Variants in MITD1 observed in about 807,000 individuals in gnomAD.
MITD1 encodes the protein microtubule interacting and trafficking domain containing 1, also known as MIT domain-containing protein 1.
Under a neutral mutation model 34.9 loss-of-function variants are expected in MITD1, and 24 were observed. That is an observed-to-expected ratio of 0.69 (90% CI 0.50 to 0.97). The LOEUF is 0.97. Among genes scored for constraint, MITD1 ranks in the 50% least tolerant of loss-of-function variants. The pLI, the probability that MITD1 is intolerant of heterozygous loss-of-function variation, is 0.00. For synonymous variants in MITD1, 102 were observed against 101.4 expected, an observed-to-expected ratio of 1.01 and a Z score of -0.04; for missense variants, 266 against 294.6, an observed-to-expected ratio of 0.90 and a Z score of 0.71.
At position 99,162,729 on chromosome 2, in the gene MITD1, G is replaced by A. The variant is rs2093806272; in HGVS notation, c.*4-511C>T. ...CCCAACGGATGAGACACTGTTTCCTGGAATAAATAGCAAAGCCAAAGAACT... is the reference window on the plus strand; with the variant it reads ...CCCAACGGATGAGACACTGTTTCCTAGAATAAATAGCAAAGCCAAAGAACT... On this transcript the variant is annotated intron_variant, in intron 7 of 7. Transcript: ENST00000422537. 3 of 1,613,938 alleles carry A rather than the reference G, an allele frequency of 1.9e-6. No homozygotes were observed. The highest frequency in any genetic ancestry group is 1.3e-5 in the African/African-American group (1 of 74,862).
intron 1 of MITD1, among the ~76,000 whole-genome samples, chr2:99,177,105 CT>C (rs1435370088): frequency 1.3e-5 from 2 of 152,196 alleles, no homozygotes; most frequent in Admixed American, 6.5e-5. Context: ...CTCATTCTAG[CT>C]TTCCCCCATC....
rs1417074425 is a variant in MITD1, at chr2:99,162,184, G to A, written c.*38C>T. 4 of 1,614,012 alleles carry A rather than the reference G, an allele frequency of 2.5e-6. No homozygotes were observed. The South Asian group carries it at 4.4e-5, about 18-fold the overall frequency. ...AATTCTCCCTCTGTTGTAATTGGTA[G>A]GCATCAAAATCCTTGGCAGGAATGT... On this transcript the variant is annotated 3_prime_UTR_variant, in exon 8 of 8. Coordinates refer to the MITD1 transcript ENST00000422537.
At chr2:99,170,150 A>G (rs944605802) in intron 5 of MITD1, among the ~76,000 whole-genome samples, 1 of 152,252 alleles carries the variant, frequency 6.6e-6, no homozygotes, top group Non-Finnish European at 1.5e-5. Flanking sequence ...TGTCATGCCT[A>G]CTAGAATATT....
intron 2 of MITD1, 51 bp downstream of exon 2, chr2:99,173,864 A>G (rs370784672): frequency 1.7e-5 from 19 of 1,131,978 alleles, no homozygotes; most frequent in Non-Finnish European, 2.4e-5. Flanking sequence ...CATTGGGTGA[A>G]TGGACAGTCA....
intron 7 of MITD1, chr2:99,162,311 TA>T (rs1452836817): frequency 1.2e-6 from 2 of 1,613,018 alleles, no homozygotes; most frequent in Non-Finnish European, 1.7e-6. Context: ...TGACTTTCTT[TA>T]CAACCAAAAA....
downstream of MITD1, chr2:99,161,849 C>A: frequency 1.0e-6 from 1 of 991,164 alleles, no homozygotes; most frequent in Non-Finnish European, 1.5e-6. Context: ...AGCAACTGCA[C>A]TGGATACTTT....
At chr2:99,170,767 T>G (rs2093851679) in intron 4 of MITD1, 115 bp from the exon 5 acceptor site, 1 of 512,632 alleles carries the variant, frequency 2.0e-6, no homozygotes, top group Non-Finnish European at 3.6e-6. Context: ...TCTATACTAG[T>G]TTCAATGTCT....
At chr2:99,166,111 A>C (rs143400159), downstream of MITD1, among the ~76,000 whole-genome samples, 1,148 of 151,754 alleles carry the variant, frequency 7.6e-3, 7 homozygotes, top group Non-Finnish European at 0.012. Flanking sequence ...TTTTTTGCTT[A>C]TATCAGGTAG....
intron 1 of MITD1, among the ~76,000 whole-genome samples, chr2:99,176,640 C>G (rs1413718855): frequency 6.6e-6 from 1 of 151,884 alleles, no homozygotes; most frequent in Non-Finnish European, 1.5e-5. Context: ...CGTAAACTTT[C>G]TTAAAACATT....
chr2:99,162,713 T>TGA, intron 7 of MITD1: 1 of 1,614,146 alleles, frequency 6.2e-7, no homozygotes, highest in Non-Finnish European at 8.5e-7. Flanking sequence ...ACCCAACGGA[T>TGA]GAGACACTGT....
At chr2:99,166,899 A>G (rs1388387167), downstream of MITD1, among the ~76,000 whole-genome samples, 1 of 133,890 alleles carries the variant, frequency 7.5e-6, no homozygotes, top group African/African-American at 2.8e-5. Flanking sequence ...ATATATATAA[A>G]TTTTTCATTA....
intron 1 of MITD1, among the ~76,000 whole-genome samples, chr2:99,176,716 T>C (rs551791112): frequency 5.3e-5 from 8 of 152,306 alleles, no homozygotes; most frequent in African/African-American, 1.4e-4. Context: ...TCATCAGCTG[T>C]CGTTAGTGTT....
At chr2:99,175,171 A>G (rs534837564) in intron 1 of MITD1, among the ~76,000 whole-genome samples, 2 of 151,034 alleles carry the variant, frequency 1.3e-5, no homozygotes, top group Admixed American at 6.6e-5. Context: ...TACAAGTATC[A>G]GAGCTAGGAA....
At chr2:99,168,084 A>G (rs1437788105), downstream of MITD1, among the ~76,000 whole-genome samples, 1 of 152,128 alleles carries the variant, frequency 6.6e-6, no homozygotes, top group East Asian at 1.9e-4. Context: ...TCCAATACTG[A>G]ACACTGGTAC....
chr2:99,161,692 T>C (rs925941393), downstream of MITD1: 2 of 321,088 alleles, frequency 6.2e-6, no homozygotes, highest in Non-Finnish European at 1.1e-5. Flanking sequence ...AAAAAAGATA[T>C]ATTACATAAT....
At position 99,170,536 on chromosome 2, in the gene MITD1, C is replaced by T. The variant is rs748229588; in HGVS notation, c.593+1G>A. On this transcript the variant is annotated splice_donor_variant, in intron 5 of 6. Transcript: ENST00000289359. LOFTEE classifies it high-confidence loss of function. ...AAATTAAAACATTATTGTAGACTAA[C>T]CTAATTTCTCGGTCATGTATTGAAG... 1 of 1,410,398 alleles carries T rather than the reference C, an allele frequency of 7.1e-7. No homozygotes were observed. The highest frequency in any genetic ancestry group is 1.7e-5 in the Admixed American group (1 of 57,354). The allele number at this position is 1,410,398 out of a possible 1,614,324, so 87.4% of individuals were successfully genotyped here. A position where few individuals can be genotyped will look rare whatever the true frequency, so the allele number is the denominator to read the frequency against.
chr2:99,163,312 ATTTAT>A (rs1473279395), intron 7 of MITD1, among the ~76,000 whole-genome samples: 1 of 150,114 alleles, frequency 6.7e-6, no homozygotes, highest in Admixed American at 6.6e-5. Flanking sequence ...TTCTTCCTTC[ATTTAT>A]TTTATTTTAT....
Position 99,170,671 on chromosome 2 carries a change from C to A in MITD1, c.478-19G>T, listed in dbSNP as rs143506893. ...CAATGCCCTGTTAATAGCAAAAATA[C>A]GATTATCTGCCGCAGTTATTATTAC... On this transcript the variant is annotated intron_variant, in intron 4 of 6. Coordinates refer to ENST00000289359, the MANE Select transcript of MITD1 (RefSeq NM_138798.3). The A allele has an allele frequency of 1.8e-6, 2 of 1,140,542 alleles. No homozygotes were observed. Among genetic ancestry groups the A allele is most frequent in the Non-Finnish European group, 2.7e-6 (2 of 753,368 alleles). The allele number at this position is 1,140,542 out of a possible 1,614,324, so 70.7% of individuals were successfully genotyped here. A position where few individuals can be genotyped will look rare whatever the true frequency, so the allele number is the denominator to read the frequency against.
At chr2:99,170,835 AATC>A (rs1409330323) in intron 4 of MITD1, 183 bp from the exon 5 acceptor site, 1 of 387,612 alleles carries the variant, frequency 2.6e-6, no homozygotes, top group African/African-American at 2.0e-5. Context: ...TTTTTATCAA[AATC>A]ATCTTTTTTT....
Sources: gnomAD v4.1 joint callset for allele counts (sites outside exome capture counted in the v4.1 genomes callset) on GRCh38, gnomAD v4.1.1 for gene constraint, MANE v1.5 for transcripts, NCBI Gene and HGNC (gene_info 2026-07-23, HGNC 2026-07-21) for gene names.